VPS11: variants seen among roughly 807,000 people sequenced by gnomAD.
The protein encoded by VPS11 is vacuolar protein sorting-associated protein 11 homolog.
A neutral mutation model predicts 106.8 loss-of-function variants in VPS11; 51 were observed. That is an observed-to-expected ratio of 0.48 (90% CI 0.38 to 0.60). The LOEUF is 0.60. VPS11 is among the 20% of genes least tolerant of loss of function. VPS11 has a pLI of 0.00. For synonymous variants in VPS11, 453 were observed against 458.7 expected (o/e 0.99, Z 0.16); for missense variants, 950 against 1,190.0 (o/e 0.80, Z 2.97).
Position 119,078,625 on chromosome 11 carries a change from G to T in VPS11, c.1984G>T (p.Val662Phe). The change falls in exon 12 of 16, where the codon GTC (valine) becomes TTC (phenylalanine). Residue 662 changes from valine to phenylalanine, a missense_variant. This residue lies in a region of VPS11 where 453 missense variants were observed against 514.6 expected (regional missense o/e 0.88). Coordinates refer to ENST00000621676, the MANE Select transcript of VPS11 (RefSeq NM_021729.6). ...SLLKSGRFCD[V>F]FDKALVLCQM... ...GCTGAAGAGTGGTCGCTTCTGCGACGTCTTTGACAAGGCCCTGGTCCTGTG... is the reference window on the plus strand; with the variant it reads ...GCTGAAGAGTGGTCGCTTCTGCGACTTCTTTGACAAGGCCCTGGTCCTGTG... The T allele has an allele frequency of 6.2e-7, 1 of 1,613,852 alleles. No homozygotes were observed. The highest frequency in any genetic ancestry group is 8.5e-7 in the Non-Finnish European group (1 of 1,179,776).
rs781941159 is a variant in VPS11 at position 119,076,878 on chromosome 11, G to A, written c.1239-19G>A. On this transcript the variant is annotated intron_variant, in intron 7 of 15. Coordinates refer to ENST00000621676, the MANE Select transcript of VPS11 (RefSeq NM_021729.6). ...AAGTACACTGATTCAGATGCTATCGGGTGCACATGTCTCCCTAGAACCATT... is the reference window on the plus strand; with the variant it reads ...AAGTACACTGATTCAGATGCTATCGAGTGCACATGTCTCCCTAGAACCATT... 1.1e-5 allele frequency: 17 copies of A among 1,613,154 alleles called. No homozygotes were observed. Among genetic ancestry groups the A allele is most frequent in the Non-Finnish European group, 2.5e-6 (3 of 1,179,488 alleles).
chr11:119,078,389 T>A, intron 11 of VPS11, 55 bp downstream of exon 11: 1 of 1,592,828 alleles, frequency 6.3e-7, no homozygotes, highest in South Asian at 1.1e-5. Flanking sequence ...TCTCCATTCT[T>A]CCGTCTTGGT....
chr11:119,079,318 A>G lies in VPS11; in HGVS notation c.2438+18A>G, dbSNP rs1235561169. The stretch of plus-strand genomic sequence containing the variant: ...AAGGCCAGGTACCCGGGGCATGGAT[A>G]TGTGGAGGAGTCCAGGGGATAACTT... On this transcript the variant is annotated intron_variant, in intron 14 of 15. Transcript: ENST00000621676. 8 of 1,571,652 alleles carry G rather than the reference A, an allele frequency of 5.1e-6. No homozygotes were observed. Among genetic ancestry groups the G allele is most frequent in the Non-Finnish European group, 6.9e-6 (8 of 1,159,664 alleles).
chr11:119,076,218 C>A (rs1218274695), intron 7 of VPS11, among the ~76,000 whole-genome samples: 2 of 147,878 alleles, frequency 1.4e-5, no homozygotes, highest in African/African-American at 5.0e-5. Context: ...AGCGAAACTT[C>A]GTCTCAAAAA....
In VPS11 at chr11:119,079,286, A is replaced by C; in HGVS notation, c.2424A>C (p.Gln808His). 1 of 1,595,130 alleles carries C rather than the reference A, an allele frequency of 6.3e-7. No homozygotes were observed. The highest frequency in any genetic ancestry group is 2.3e-5 in the East Asian group (1 of 44,050). Residue 808 changes from glutamine (Q) to histidine (H), a missense_variant, in exon 14 of 16, where the codon CAA (glutamine) becomes CAC (histidine). Around this residue, in one of 3 missense-constraint regions of VPS11, gnomAD observed 453 missense variants for 514.6 expected, o/e 0.88. Transcript: ENST00000621676. ...EETTRIRQEI[Q>H]ELKASPKIFQ... is the part of the protein sequence containing the mutation. Reference sequence around the variant, plus strand: ...CCACCCGTATCCGCCAGGAGATCCAAGAGCTCAAGGCCAGGTACCCGGGGC... The same window carrying C: ...CCACCCGTATCCGCCAGGAGATCCACGAGCTCAAGGCCAGGTACCCGGGGC...
chr11:119,077,413 C>G lies in VPS11; in HGVS notation c.1426-88C>G, dbSNP rs903872827. On this transcript the variant is annotated intron_variant, in intron 8 of 15. Coordinates refer to ENST00000621676, the MANE Select transcript of VPS11 (RefSeq NM_021729.6). ...CAAAGTGTGAACGTTATGATATCACCTTAGGAATCTGAAAGTCAGGTGCCT... is the reference window on the plus strand; with the variant it reads ...CAAAGTGTGAACGTTATGATATCACGTTAGGAATCTGAAAGTCAGGTGCCT... The G allele has an allele frequency of 2.7e-6, 4 of 1,503,490 alleles. No homozygotes were observed. The African/African-American group carries it at 4.2e-5, about 16-fold the overall frequency. 93.1% of individuals were successfully genotyped at this position (1,503,490 alleles called of 1,614,324 possible). A position where few individuals can be genotyped will look rare whatever the true frequency, so the allele number is the denominator to read the frequency against.
rs1489928067 is a variant in VPS11 at position 119,077,005 on chromosome 11, C to G, written c.1347C>G (p.Ala449=). The change falls in exon 8 of 16, where the codon GCC becomes GCG. Residue 449 remains alanine (A), a synonymous_variant. Transcript: ENST00000621676. ...YLQTLHRQSL[A]NADHTTLLLN... ...AGACCCTGCACCGACAATCCCTGGC[C>G]AATGCCGACCATACCACCCTGCTCC... 1 of 1,613,816 alleles carries G rather than the reference C, an allele frequency of 6.2e-7. No homozygotes were observed. Among genetic ancestry groups the G allele is most frequent in the African/African-American group, 1.3e-5 (1 of 74,932 alleles).
intron 14 of VPS11, among the ~76,000 whole-genome samples, chr11:119,079,872 C>T (rs1474766164): frequency 6.6e-6 from 1 of 151,842 alleles, no homozygotes; most frequent in Non-Finnish European, 1.5e-5. Context: ...GGCCATAATC[C>T]CAACTCTGAA....
chr11:119,079,581 C>G (rs1454243318), intron 14 of VPS11, among the ~76,000 whole-genome samples: 1 of 152,184 alleles, frequency 6.6e-6, no homozygotes, highest in East Asian at 1.9e-4. Flanking sequence ...GGAAGCCGTT[C>G]TGGTGTTTTT....
chr11:119,070,032 T>TAAATAAATA (rs1243110961), intron 3 of VPS11, among the ~76,000 whole-genome samples: 19 of 147,828 alleles, frequency 1.3e-4, no homozygotes, highest in Admixed American at 2.0e-4. Flanking sequence ...ATAAATAAAA[T>TAAATAAATA]AAATAAAGTT....
chr11:119,077,097 T>G lies in VPS11; in HGVS notation c.1425+14T>G, dbSNP rs782670034. The G allele has an allele frequency of 5.6e-6, 9 of 1,605,860 alleles. No homozygotes were observed. In the East Asian group the frequency reaches 2.0e-4, roughly 36 times the overall value. On this transcript the variant is annotated intron_variant, in intron 8 of 15. Coordinates refer to ENST00000621676, the MANE Select transcript of VPS11 (RefSeq NM_021729.6). The stretch of plus-strand genomic sequence containing the variant: ...GAGTTCATCAAGGTGCAGGATGTTG[T>G]TGGTGGGGAAGTCTTGGAGGCCCCA...
Position 119,081,558 on chromosome 11 carries a change from C to T in VPS11, c.2761C>T (p.Leu921=). The T allele has an allele frequency of 1.2e-6, 2 of 1,614,038 alleles. No homozygotes were observed. The highest frequency in any genetic ancestry group is 1.7e-6 in the Non-Finnish European group (2 of 1,179,896). The part of the protein sequence containing the change: ...TLLTDPPTAR[L]TSSLEAGLQR... The stretch of plus-strand genomic sequence containing the variant: ...GCTGACCGACCCTCCCACAGCCAGA[C>T]TGACCTCCAGCCTGGAGGCTGGGCT... The change falls in exon 16 of 16, where the codon CTG becomes TTG. Residue 921 remains leucine (L), a synonymous_variant. Transcript: ENST00000621676.
intron 1 of VPS11, among the ~76,000 whole-genome samples, chr11:119,068,940 C>CA (rs1199574606): frequency 5.6e-3 from 3 of 540 alleles, no homozygotes; most frequent in Non-Finnish European, 4.8e-3. Context: ...TTAGTAGAGA[C>CA]AGGTTTCACC....
At position 119,069,532 on chromosome 11, in the gene VPS11, G is replaced by T; in HGVS notation, c.427G>T (p.Val143Leu). 1 of 1,614,000 alleles carries T rather than the reference G, an allele frequency of 6.2e-7. No homozygotes were observed. The highest frequency in any genetic ancestry group is 8.5e-7 in the Non-Finnish European group (1 of 1,179,882). ...PAIPGTEPTV[V>L]SCLTVHENLN... ...TATTCCAGGAACAGAGCCAACTGTT[G>T]TATCTTGTTTGACTGTCCATGAAAA... The change falls in exon 3 of 16, where the codon GTA becomes TTA. Residue 143 changes from valine to leucine, a missense_variant. Transcript: ENST00000621676.
At position 119,070,027 on chromosome 11, in the gene VPS11, T is replaced by TAAATAAATAAA. The variant is rs1252189260; in HGVS notation, c.473-204_473-203insTAAATAAAAAA. Reference sequence around the variant, plus strand: ...ATAAATAAATAAATAAATAAATAAATAAAATAAATAAAGTTTGGAATGGGA... The same window carrying TAAATAAATAAA: ...ATAAATAAATAAATAAATAAATAAATAAATAAATAAAAAAATAAATAAAGTTTGGAATGGGA... On this transcript the variant is annotated intron_variant, in intron 3 of 15. Transcript: ENST00000621676. 4.9e-4 allele frequency among the ~76,000 whole-genome samples: 16 copies of TAAATAAATAAA among 32,442 alleles called. 1 individual carries two copies. The highest frequency in any genetic ancestry group is 1.4e-3 in the African/African-American group (13 of 9,056). 21.3% of individuals were successfully genotyped at this position (32,442 alleles called of 152,430 possible).
chr11:119,077,206 G>A, intron 8 of VPS11, 123 bp downstream of exon 8: 1 of 1,242,516 alleles, frequency 8.0e-7, no homozygotes, highest in Non-Finnish European at 1.1e-6. Context: ...TTAGAGGAGT[G>A]GCTGTTCCTG....
intron 14 of VPS11, among the ~76,000 whole-genome samples, chr11:119,079,589 T>C (rs782248372): frequency 7.9e-5 from 12 of 152,324 alleles, no homozygotes; most frequent in Middle Eastern, 3.4e-3. Flanking sequence ...TTCTGGTGTT[T>C]TTCTTTTTTG....
intron 14 of VPS11, among the ~76,000 whole-genome samples, chr11:119,079,957 C>T (rs1362900130): frequency 6.6e-6 from 1 of 152,220 alleles, no homozygotes; most frequent in African/African-American, 2.4e-5. Flanking sequence ...AATATTGAGC[C>T]TCTGTGGTGT....
intron 5 of VPS11, 148 bp from the exon 6 acceptor site, chr11:119,073,050 C>A: frequency 1.2e-6 from 1 of 832,918 alleles, no homozygotes; most frequent in Non-Finnish European, 1.9e-6. Context: ...GTACAACTAC[C>A]GGCACAGCGC....
Sources: gnomAD v4.1 joint callset for allele counts (sites outside exome capture counted in the v4.1 genomes callset) on GRCh38, gnomAD v4.1.1 for gene constraint, gnomAD v4.1.1 regional missense constraint, MANE v1.5 for transcripts, NCBI Gene and HGNC (gene_info 2026-07-23, HGNC 2026-07-21) for gene names.